The following EFCAB8 variants were observed in gnomAD, a reference collection of about 807,000 sequenced individuals.
EFCAB8 encodes EF-hand calcium binding domain 8, also known as EF-hand calcium-binding domain-containing protein 8.
Under a neutral mutation model 116.3 loss-of-function variants are expected in EFCAB8, and 100 were observed. That is an observed-to-expected ratio of 0.86 (90% CI 0.73 to 1.02). The LOEUF (loss-of-function observed/expected upper bound fraction) is 1.02. Among genes scored for constraint, EFCAB8 ranks in the 50% least tolerant of loss-of-function variants. EFCAB8 has a pLI of 0.00. For missense variants in EFCAB8, 1,320 were observed against 1,416.9 expected (o/e 0.93, Z 1.10); for synonymous variants, 558 against 567.9 (o/e 0.98, Z 0.25).
intron 20 of EFCAB8, among the ~76,000 whole-genome samples, chr20:32,923,479 C>T (rs896985564): frequency 7.9e-5 from 12 of 152,028 alleles, no homozygotes; most frequent in South Asian, 6.2e-4. Context: ...CAGTGAGATT[C>T]GCCTCCAAAA....
intron 5 of EFCAB8, 86 bp downstream of exon 5, chr20:32,878,893 G>C: frequency 8.3e-7 from 1 of 1,201,132 alleles, no homozygotes. Flanking sequence ...CCCTCAATCC[G>C]TGACCTTGCT....
intron 18 of EFCAB8, 41 bp from the exon 19 acceptor site, chr20:32,918,321 G>A (rs748979464): frequency 1.3e-4 from 202 of 1,542,930 alleles, no homozygotes; most frequent in Admixed American, 1.1e-3. Context: ...TTACCTCTAC[G>A]ACATTGCAGT....
rs1478842768 is a variant in EFCAB8 at position 32,959,939 on chromosome 20, A to G, written c.3251A>G (p.Asp1084Gly). 6.4e-7 allele frequency: 1 copy of G among 1,551,702 alleles called. No individual in the cohort carries two copies. The highest frequency in any genetic ancestry group is 1.4e-5 in the African/African-American group (1 of 73,166). ...SPWAGERPLE[D>G]IEDSWNKWES... Reference sequence around the variant, plus strand: ...TGGGCCGGAGAGCGCCCCCTGGAAGACATTGAGGACAGCTGGAACAAGTGG... The same window carrying G: ...TGGGCCGGAGAGCGCCCCCTGGAAGGCATTGAGGACAGCTGGAACAAGTGG... The change falls in exon 25 of 27, where the codon GAC becomes GGC. Residue 1084 changes from aspartate to glycine, a missense_variant. Coordinates refer to ENST00000400522, the MANE Select transcript of EFCAB8 (RefSeq NM_001143967.2).
Position 32,863,874 on chromosome 20 carries a change from A to G in EFCAB8, c.42+40A>G, listed in dbSNP as rs368854813. Reference sequence around the variant, plus strand: ...TATCTGAACTAATAAAGGGTGGGGCATTCCAGAGTCACCCAAAACCTCACT... The same window carrying G: ...TATCTGAACTAATAAAGGGTGGGGCGTTCCAGAGTCACCCAAAACCTCACT... On this transcript the variant is annotated intron_variant, in intron 2 of 26. Coordinates refer to ENST00000400522, the MANE Select transcript of EFCAB8 (RefSeq NM_001143967.2). 1.2e-4 allele frequency: 180 copies of G among 1,547,976 alleles called. No individual in the cohort carries two copies. In the African/African-American group the frequency reaches 2.2e-3, roughly 19 times the overall value.
intron 26 of EFCAB8, 85 bp downstream of exon 26, chr20:32,960,246 C>CA (rs1261181735): frequency 2.7e-5 from 34 of 1,249,502 alleles, no homozygotes; most frequent in Non-Finnish European, 1.1e-6. Context: ...CTTGTGCCCA[C>CA]ACAGCCCTTC....
intron 22 of EFCAB8, among the ~76,000 whole-genome samples, chr20:32,942,256 A>G (rs772983114): frequency 2.0e-5 from 3 of 152,184 alleles, no homozygotes; most frequent in Non-Finnish European, 4.4e-5. Context: ...TTTAATTAAG[A>G]TGCCTTTGTT....
chr20:32,866,848 T>C (rs558338661), intron 2 of EFCAB8, among the ~76,000 whole-genome samples: 4 of 148,710 alleles, frequency 2.7e-5, no homozygotes, highest in East Asian at 4.0e-4. Flanking sequence ...TTCCTTCCTT[T>C]CTTTCTCTCT....
At chr20:32,919,536 A>T (rs1291537678) in intron 19 of EFCAB8, among the ~76,000 whole-genome samples, 1 of 152,030 alleles carries the variant, frequency 6.6e-6, no homozygotes. Context: ...TCACTCTGTC[A>T]CCCAGGCTAG....
chr20:32,951,972 A>G (rs1021248224), intron 23 of EFCAB8, among the ~76,000 whole-genome samples: 1 of 152,198 alleles, frequency 6.6e-6, no homozygotes, highest in Non-Finnish European at 1.5e-5. Flanking sequence ...CATTTTGAAG[A>G]TCAGTGGCCA....
Position 32,890,659 on chromosome 20 carries a change from G to A in EFCAB8, c.673+1253G>A, listed in dbSNP as rs576707466. 3.3e-5 allele frequency among the ~76,000 whole-genome samples: 5 copies of A among 152,348 alleles called. No homozygotes were observed. The East Asian group carries it at 5.8e-4, about 18-fold the overall frequency. ...ATTAGTACATGAAATGACAGCTGGT[G>A]ATGTGAGGCTGAATGGGAGGAGAGA... On this transcript the variant is annotated intron_variant, in intron 7 of 26. Transcript: ENST00000400522.
intron 22 of EFCAB8, among the ~76,000 whole-genome samples, chr20:32,937,710 C>T (rs1037810886): frequency 6.1e-5 from 8 of 131,024 alleles, no homozygotes; most frequent in Non-Finnish European, 1.2e-4. Context: ...CCTCTGCCTC[C>T]GGGGTTCAAG....
intron 20 of EFCAB8, among the ~76,000 whole-genome samples, chr20:32,928,649 C>A (rs1477880761): frequency 6.6e-6 from 1 of 152,110 alleles, no homozygotes; most frequent in African/African-American, 2.4e-5. Context: ...AAGATAATAT[C>A]ATCTGCAAAC....
At chr20:32,911,853 C>T in intron 16 of EFCAB8, 146 bp downstream of exon 16, 2 of 738,680 alleles carry the variant, frequency 2.7e-6, no homozygotes, top group Non-Finnish European at 4.6e-6. Flanking sequence ...CCTCCCTGAG[C>T]CTCTGTGTCC....
chr20:32,868,553 A>T (rs1292884055), intron 3 of EFCAB8, among the ~76,000 whole-genome samples: 2 of 152,170 alleles, frequency 1.3e-5, no homozygotes, highest in African/African-American at 2.4e-5. Flanking sequence ...ATGGTTTATT[A>T]TCTGTTGCTG....
At chr20:32,928,073 A>G (rs779734782) in intron 20 of EFCAB8, among the ~76,000 whole-genome samples, 4 of 152,074 alleles carry the variant, frequency 2.6e-5, no homozygotes, top group Non-Finnish European at 5.9e-5. Flanking sequence ...AAGTGGAATC[A>G]TATGTTTGTC....
chr20:32,860,997 C>T (rs901717636), intron 1 of EFCAB8, among the ~76,000 whole-genome samples: 3 of 152,074 alleles, frequency 2.0e-5, no homozygotes, highest in Non-Finnish European at 4.4e-5. Flanking sequence ...ACCTTGGCCT[C>T]AAGTGTTGGC....
intron 6 of EFCAB8, among the ~76,000 whole-genome samples, chr20:32,888,712 C>A (rs1436831239): frequency 6.6e-6 from 1 of 152,120 alleles, no homozygotes; most frequent in Non-Finnish European, 1.5e-5. Context: ...CTTGGTTTGT[C>A]ACTTAATCAT....
chr20:32,878,545 C>G (rs1985121096), intron 4 of EFCAB8, among the ~76,000 whole-genome samples, 159 bp from the exon 5 acceptor site: 1 of 138,254 alleles, frequency 7.2e-6, no homozygotes, highest in South Asian at 2.3e-4. Flanking sequence ...GAGTCTCGCT[C>G]TGTCGCCCAG....
intron 3 of EFCAB8, among the ~76,000 whole-genome samples, chr20:32,869,962 C>G (rs1366954478): frequency 6.6e-6 from 1 of 152,108 alleles, no homozygotes; most frequent in Non-Finnish European, 1.5e-5. Flanking sequence ...AGCCTTTTCT[C>G]TGTTTAGAGC....
Sources: gnomAD v4.1 joint callset for allele counts (sites outside exome capture counted in the v4.1 genomes callset) on GRCh38, gnomAD v4.1.1 for gene constraint, MANE v1.5 for transcripts, NCBI Gene and HGNC (gene_info 2026-07-23, HGNC 2026-07-21) for gene names.